The following PCDHAC1 variants were observed in gnomAD, a reference collection of about 807,000 sequenced individuals.
PCDHAC1 encodes protocadherin alpha-C1.
A neutral mutation model predicts 60.0 loss-of-function variants in PCDHAC1; 42 were observed. That is an observed-to-expected ratio of 0.70 (90% confidence interval 0.55 to 0.90). PCDHAC1 has a LOEUF of 0.90. Among genes scored for constraint, PCDHAC1 ranks in the 40% least tolerant of loss-of-function variants. The pLI is 0.00. For synonymous variants in PCDHAC1, 468 were observed against 499.3 expected (o/e 0.94, Z 0.84); for missense variants, 1,160 against 1,222.3 (o/e 0.95, Z 0.76).
In PCDHAC1 at chr5:140,984,898, A is replaced by G. The variant is rs551340383; in HGVS notation, c.2581+2335A>G. ...GTTACCATGAGAACTAAAGGAGAAA[A>G]AAAGAACTGAGCATAGTGCTTGACA... On this transcript the variant is annotated intron_variant, in intron 3 of 3. Transcript: ENST00000253807. Among the ~76,000 whole-genome samples, 21 of 152,282 alleles carry G rather than the reference A, an allele frequency of 1.4e-4. No individual in the cohort carries two copies. The South Asian group carries it at 4.4e-3, about 32-fold the overall frequency.
At chr5:141,005,861 C>T (rs921854027) in intron 3 of PCDHAC1, among the ~76,000 whole-genome samples, 2 of 151,860 alleles carry the variant, frequency 1.3e-5, no homozygotes, top group Admixed American at 6.6e-5. Flanking sequence ...ACAGGAGGGT[C>T]GATTGAGTCC....
chr5:140,965,173 G>A (rs1257436786), intron 1 of PCDHAC1, among the ~76,000 whole-genome samples: 1 of 152,218 alleles, frequency 6.6e-6, no homozygotes, highest in African/African-American at 2.4e-5. Flanking sequence ...TTTAGTGAGT[G>A]CTTTTTTTGC....
At chr5:140,957,130 A>C in intron 1 of PCDHAC1, among the ~76,000 whole-genome samples, 1 of 152,188 alleles carries the variant, frequency 6.6e-6, no homozygotes, top group Middle Eastern at 3.2e-3. Flanking sequence ...TCTTTACTAC[A>C]CTATGAACTA....
At position 140,926,470 on chromosome 5, in the gene PCDHAC1, GT is replaced by G. The variant is rs1204371892; in HGVS notation, c.-420del. The G allele has an allele frequency of 4.3e-5, 7 of 162,858 alleles. No homozygotes were observed. Among genetic ancestry groups the G allele is most frequent in the Non-Finnish European group, 9.2e-5 (7 of 75,926 alleles). 10.1% of individuals were successfully genotyped at this position (162,858 alleles called of 1,614,324 possible). On this transcript the variant is annotated 5_prime_UTR_variant, in exon 1 of 4. An upstream open reading frame in the 5' UTR loses its in-frame stop. Transcript: ENST00000253807. ...TCAGGGCGTTGTCCTAGAAAACACC[GT>G]TTAAGGAGAGAAGTGTTAGTGTCTC... is the stretch of plus-strand genomic sequence containing the variant.
At chr5:140,967,051 G>A in intron 1 of PCDHAC1, 1 of 1,612,562 alleles carries the variant, frequency 6.2e-7, no homozygotes, top group Non-Finnish European at 8.5e-7. Context: ...TGGACCTGAC[G>A]AGTGGAGCGC....
Position 141,000,395 on chromosome 5 carries a change from C to CTA in PCDHAC1, c.2582-9206_2582-9205dup, listed in dbSNP as rs1190667031. 1.6e-3 allele frequency among the ~76,000 whole-genome samples: 89 copies of CTA among 53,960 alleles called. 3 individuals carry two copies. Among genetic ancestry groups the CTA allele is most frequent in the Non-Finnish European group, 2.3e-3 (71 of 31,108 alleles). 35.4% of individuals were successfully genotyped at this position (53,960 alleles called of 152,430 possible). A position where few individuals can be genotyped will look rare whatever the true frequency, so the allele number is the denominator to read the frequency against. ...TCTCTCTCTCTCTCTCTCTCTCTCT[C>CTA]TATATATATATATATATATATATAT... On this transcript the variant is annotated intron_variant, in intron 3 of 3. Coordinates refer to ENST00000253807, the MANE Select transcript of PCDHAC1 (RefSeq NM_018898.5).
chr5:140,938,734 AT>A (rs1207782725), intron 1 of PCDHAC1, among the ~76,000 whole-genome samples: 1 of 152,136 alleles, frequency 6.6e-6, no homozygotes, highest in Admixed American at 6.5e-5. Flanking sequence ...ACAGAAAAAA[AT>A]AATTATTTTT....
At chr5:140,966,447 C>T (rs373859357) in intron 1 of PCDHAC1, 40 of 425,326 alleles carry the variant, frequency 9.4e-5, no homozygotes, top group Middle Eastern at 5.8e-4. Context: ...CTCCCTTTCC[C>T]CCTCCCCCTC....
intron 3 of PCDHAC1, among the ~76,000 whole-genome samples, chr5:140,985,509 T>C (rs6886977): frequency 1.5e-3 from 223 of 152,280 alleles, no homozygotes; most frequent in African/African-American, 4.4e-3. Context: ...CTTTCATTGA[T>C]TCTGTTGCCC....
At chr5:140,990,429 C>A (rs2097393514) in intron 3 of PCDHAC1, among the ~76,000 whole-genome samples, 1 of 152,144 alleles carries the variant, frequency 6.6e-6, no homozygotes, top group African/African-American at 2.4e-5. Context: ...CAGCATTGAC[C>A]CAATCTTGTG....
At chr5:140,966,860 T>TTGC (rs148181752) in intron 1 of PCDHAC1, 11 of 1,577,372 alleles carry the variant, frequency 7.0e-6, no homozygotes, top group Non-Finnish European at 9.4e-6. Flanking sequence ...CCTGCTGCTG[T>TTGC]TGCTGCTGCT....
intron 3 of PCDHAC1, among the ~76,000 whole-genome samples, chr5:140,999,739 T>C (rs2097873545): frequency 6.6e-6 from 1 of 152,196 alleles, no homozygotes; most frequent in Admixed American, 6.5e-5. Flanking sequence ...AATGTTTGAA[T>C]CTGGGTTCGC....
chr5:140,927,685 A>G lies in PCDHAC1; in HGVS notation c.793A>G (p.Asn265Asp), dbSNP rs782137754. 2.5e-6 allele frequency: 4 copies of G among 1,614,092 alleles called. No individual in the cohort carries two copies. In the African/African-American group the frequency reaches 4.0e-5, roughly 16 times the overall value. ...VQALDPDEGSNGEVQYSLSNS... is the reference protein window; with the variant it reads ...VQALDPDEGSDGEVQYSLSNS... ...AGCCTTGGATCCAGATGAAGGGTCC[A>G]ATGGGGAAGTCCAGTACTCCCTAAG... is the stretch of plus-strand genomic sequence containing the variant. The change falls in exon 1 of 4, where the codon AAT (asparagine) becomes GAT (aspartate). Residue 265 changes from asparagine to aspartate, a missense_variant. Transcript: ENST00000253807.
At chr5:140,946,875 G>C (rs1283632599) in intron 1 of PCDHAC1, among the ~76,000 whole-genome samples, 2 of 151,288 alleles carry the variant, frequency 1.3e-5, no homozygotes, top group Non-Finnish European at 3.0e-5. Context: ...TGGTCAATGG[G>C]TACGAAGTTA....
At chr5:140,966,692 G>A in intron 1 of PCDHAC1, 2 of 1,352,080 alleles carry the variant, frequency 1.5e-6, no homozygotes, top group East Asian at 2.9e-5. Context: ...CGGAGGCGGG[G>A]CCCGGGCGTG....
intron 3 of PCDHAC1, among the ~76,000 whole-genome samples, chr5:140,998,401 CA>C (rs2097811473): frequency 6.6e-6 from 1 of 152,108 alleles, no homozygotes; most frequent in African/African-American, 2.4e-5. Context: ...ATCTTTATGC[CA>C]AAGTTTATCT....
intron 1 of PCDHAC1, among the ~76,000 whole-genome samples, chr5:140,932,536 T>G (rs1176427449): frequency 1.3e-5 from 2 of 151,940 alleles, no homozygotes. Flanking sequence ...TTCAAGGTGC[T>G]TTATTTAACA....
chr5:140,963,496 A>C (rs1554226617), intron 1 of PCDHAC1, among the ~76,000 whole-genome samples: 2 of 152,232 alleles, frequency 1.3e-5, no homozygotes, highest in African/African-American at 2.4e-5. Context: ...TGAGGAAACA[A>C]ATCTCTTGAA....
At chr5:140,985,783 A>G (rs1587112463) in intron 3 of PCDHAC1, among the ~76,000 whole-genome samples, 1 of 125,324 alleles carries the variant, frequency 8.0e-6, no homozygotes, top group Non-Finnish European at 1.6e-5. Context: ...TCTGTCGCCC[A>G]GGCTGGAGTG....
Sources: allele counts gnomAD v4.1 joint callset (sites outside exome capture counted in the v4.1 genomes callset), GRCh38; gene constraint gnomAD v4.1.1; transcripts MANE v1.5; gene names NCBI Gene and HGNC (gene_info 2026-07-23, HGNC 2026-07-21).